Variants in GCNT2 observed in about 807,000 individuals in gnomAD.
GCNT2 encodes the protein glucosaminyl (N-acetyl) transferase 2 (I blood group).
A neutral mutation model predicts 34.2 loss-of-function variants in GCNT2; 34 were observed. The ratio of observed to expected loss-of-function variants is 1.00; its 90% CI spans 0.76 to 1.32. The LOEUF (loss-of-function observed/expected upper bound fraction) is 1.32. Among genes scored for constraint, GCNT2 ranks in the 40% most tolerant of loss-of-function variants. GCNT2 has a pLI of 0.00. For synonymous variants in GCNT2, 212 were observed against 188.0 expected (o/e 1.13, Z -1.04); for missense variants, 584 against 489.4 (o/e 1.19, Z -1.82).
At chr6:10,579,952 G>T (rs974034629) in intron 3 of GCNT2, among the ~76,000 whole-genome samples, 1 of 151,724 alleles carries the variant, frequency 6.6e-6, no homozygotes, top group African/African-American at 2.4e-5. Context: ...ACCTACTGCT[G>T]TCGGCAGGGG....
intron 3 of GCNT2, among the ~76,000 whole-genome samples, chr6:10,532,757 A>G (rs1055768401): frequency 1.3e-5 from 2 of 152,032 alleles, no homozygotes; most frequent in Non-Finnish European, 2.9e-5. Flanking sequence ...AGCCCTGCCA[A>G]CTCTTTCCTG....
chr6:10,554,535 G>A (rs963957587), intron 3 of GCNT2, among the ~76,000 whole-genome samples: 13 of 152,124 alleles, frequency 8.5e-5, no homozygotes, highest in Non-Finnish European at 1.8e-4. Flanking sequence ...TATGTGCACC[G>A]AATGCTTTGT....
At chr6:10,562,798 G>GGT (rs1194662016) in intron 3 of GCNT2, among the ~76,000 whole-genome samples, 1 of 152,110 alleles carries the variant, frequency 6.6e-6, no homozygotes, top group East Asian at 1.9e-4. Context: ...GACAGGCTTT[G>GGT]GTGGAGGAGG....
intron 3 of GCNT2, among the ~76,000 whole-genome samples, chr6:10,590,554 C>T (rs1764588737): frequency 7.1e-6 from 1 of 140,374 alleles, no homozygotes; most frequent in African/African-American, 2.5e-5. Context: ...CTGCAATTTT[C>T]ACCTATTTTT....
chr6:10,620,146 C>G (rs951664892), intron 3 of GCNT2, among the ~76,000 whole-genome samples: 1 of 152,164 alleles, frequency 6.6e-6, no homozygotes, highest in Non-Finnish European at 1.5e-5. Flanking sequence ...GCATCTTTGT[C>G]TGTTCTGCAT....
intron 3 of GCNT2, among the ~76,000 whole-genome samples, chr6:10,530,433 A>G (rs1334473660): frequency 6.6e-6 from 1 of 152,218 alleles, no homozygotes; most frequent in Non-Finnish European, 1.5e-5. Flanking sequence ...AATCAGGAAT[A>G]TGTATTATAA....
rs141189522 is a variant in GCNT2 at position 10,563,899 on chromosome 6, G to A, written c.925+34063G>A. On this transcript the variant is annotated intron_variant, in intron 3 of 4. Coordinates refer to ENST00000495262, the MANE Select transcript of GCNT2 (RefSeq NM_145649.5). The stretch of plus-strand genomic sequence containing the variant: ...GGGAAGGAGGTAGCACATGTTATCC[G>A]CTTATTTTAAATTGAACCCAGTTTA... Among the ~76,000 whole-genome samples, 107 of 148,882 alleles carry A rather than the reference G, an allele frequency of 7.2e-4. No individual in the cohort carries two copies. The East Asian group carries it at 0.019, about 27-fold the overall frequency.
chr6:10,529,665 ACTC>A lies in GCNT2; in HGVS notation c.764_766del (p.Pro255del), dbSNP rs752310750. The A allele has an allele frequency of 1.9e-5, 30 of 1,611,736 alleles. 1 individual carries two copies. Among genetic ancestry groups the A allele is most frequent in the South Asian group, 1.8e-4 (16 of 90,938 alleles). On this transcript the variant is annotated inframe_deletion, in exon 3 of 5. Coordinates refer to ENST00000495262, the MANE Select transcript of GCNT2 (RefSeq NM_145649.5). The stretch of plus-strand genomic sequence containing the variant: ...CGTGATTAAAACAACAAAATTAAAA[ACTC>A]CTCCTCCTCATGACATGGTGATTTA...
At chr6:10,619,809 G>A (rs1765955063) in intron 3 of GCNT2, among the ~76,000 whole-genome samples, 1 of 152,212 alleles carries the variant, frequency 6.6e-6, no homozygotes, top group Non-Finnish European at 1.5e-5. Context: ...GGCATTGGCT[G>A]GGTCAGGTTC....
Position 10,584,345 on chromosome 6 carries a change from A to G in GCNT2, c.926-37006A>G, listed in dbSNP as rs549902396. On this transcript the variant is annotated intron_variant, in intron 3 of 4. Coordinates refer to ENST00000495262, the MANE Select transcript of GCNT2 (RefSeq NM_145649.5). ...AGTAGTATTGCTGCCATGATGTCTC[A>G]CCTGTATCCATAAGGCGATTTTCTC... Among the ~76,000 whole-genome samples, 70 of 152,288 alleles carry G rather than the reference A, an allele frequency of 4.6e-4. 2 individuals carry two copies. The South Asian group carries it at 0.012, about 26-fold the overall frequency.
intron 3 of GCNT2, among the ~76,000 whole-genome samples, chr6:10,580,626 A>C (rs1764028799): frequency 1.3e-5 from 2 of 151,894 alleles, no homozygotes; most frequent in African/African-American, 4.8e-5. Flanking sequence ...AAAAAAAAAA[A>C]AGATTCAATA....
intron 3 of GCNT2, among the ~76,000 whole-genome samples, chr6:10,547,136 G>C (rs188369010): frequency 6.6e-6 from 1 of 152,068 alleles, no homozygotes; most frequent in Non-Finnish European, 1.5e-5. Context: ...ATAATATTTT[G>C]TACACTTGCC....
intron 3 of GCNT2, among the ~76,000 whole-genome samples, chr6:10,592,669 C>T (rs898061978): frequency 3.3e-5 from 5 of 152,164 alleles, no homozygotes; most frequent in South Asian, 2.1e-4. Flanking sequence ...CATTTCTGTT[C>T]GCCACCCCTA....
chr6:10,532,914 C>CTTTTT (rs67442555), intron 3 of GCNT2, among the ~76,000 whole-genome samples: 23 of 85,398 alleles, frequency 2.7e-4, no homozygotes, highest in African/African-American at 3.7e-4. Flanking sequence ...GTGGTTTTTG[C>CTTTTT]TTTTTTTTTT....
intron 3 of GCNT2, among the ~76,000 whole-genome samples, chr6:10,615,772 C>T (rs1307690023): frequency 6.6e-6 from 1 of 152,214 alleles, no homozygotes; most frequent in African/African-American, 2.4e-5. Flanking sequence ...ATACACTAAA[C>T]AAGGAGTGGA....
At chr6:10,555,320 A>ATTT (rs565779633) in intron 3 of GCNT2, among the ~76,000 whole-genome samples, 14 of 152,302 alleles carry the variant, frequency 9.2e-5, no homozygotes, top group Admixed American at 9.1e-4. Context: ...GAACTTTCCA[A>ATTT]GTAAAACAGC....
At chr6:10,534,158 T>TTTTTTTTTTTTTTTTTTTTTTTG (rs1554126559) in intron 3 of GCNT2, among the ~76,000 whole-genome samples, 1 of 146,022 alleles carries the variant, frequency 6.8e-6, no homozygotes. Flanking sequence ...TTTTTTTTTT[T>TTTTTTTTTTTTTTTTTTTTTTTG]TAAGATGGAG....
chr6:10,606,204 A>G lies in GCNT2; in HGVS notation c.926-15147A>G, dbSNP rs1323319037. ...GTGGTGCATGCCTGTAATCCCGACT[A>G]CTCGGGAGGCTGAGGCAGGAGAATC... On this transcript the variant is annotated intron_variant, in intron 3 of 4. Transcript: ENST00000495262. 3.3e-5 allele frequency among the ~76,000 whole-genome samples: 5 copies of G among 152,216 alleles called. No individual in the cohort carries two copies. In the East Asian group the frequency reaches 9.7e-4, roughly 29 times the overall value.
rs577371810 is a variant in GCNT2, at chr6:10,594,919, C to T, written c.926-26432C>T. Reference sequence around the variant, plus strand: ...GGAGTGCAGTGGTGTGATCACGGCTCACTGTAGCCTCGACTTCCCAGGCTC... The same window carrying T: ...GGAGTGCAGTGGTGTGATCACGGCTTACTGTAGCCTCGACTTCCCAGGCTC... On this transcript the variant is annotated intron_variant, in intron 3 of 4. Coordinates refer to ENST00000495262, the MANE Select transcript of GCNT2 (RefSeq NM_145649.5). Among the ~76,000 whole-genome samples, 6 of 151,910 alleles carry T rather than the reference C, an allele frequency of 3.9e-5. No individual in the cohort carries two copies. The Middle Eastern group carries it at 0.01, about 258-fold the overall frequency.
Sources: allele counts gnomAD v4.1 joint callset (sites outside exome capture counted in the v4.1 genomes callset), GRCh38; gene constraint gnomAD v4.1.1; transcripts MANE v1.5; gene names NCBI Gene and HGNC (gene_info 2026-07-23, HGNC 2026-07-21).